The following TANC2 variants were observed in gnomAD, a reference collection of about 807,000 sequenced individuals.
TANC2 encodes the protein tetratricopeptide repeat, ankyrin repeat and coiled-coil containing 2, also known as protein TANC2.
A neutral mutation model predicts 210.5 loss-of-function variants in TANC2; 26 were observed. The ratio of observed to expected loss-of-function variants is 0.12; its 90% CI spans 0.09 to 0.17. The LOEUF (loss-of-function observed/expected upper bound fraction) is 0.17, where lower values mean the gene tolerates loss of function less well. Among genes scored for constraint, TANC2 ranks in the 10% least tolerant of loss-of-function variants. The probability of loss-of-function intolerance (pLI) is 1.00; values close to 1 mark genes in which losing one functional copy is unlikely to be tolerated. For synonymous variants in TANC2, 931 were observed against 967.1 expected (o/e 0.96, Z 0.69); for missense variants, 2,129 against 2,608.9 (o/e 0.82, Z 4.01).
intron 1 of TANC2, among the ~76,000 whole-genome samples, chr17:63,007,053 C>T (rs1322758562): frequency 7.1e-6 from 1 of 140,648 alleles, no homozygotes; most frequent in Non-Finnish European, 1.5e-5. Flanking sequence ...TAGTAAGACC[C>T]CATCTTTAAA....
At chr17:63,126,921 T>C (rs1267849855) in intron 4 of TANC2, among the ~76,000 whole-genome samples, 4 of 152,288 alleles carry the variant, frequency 2.6e-5, no homozygotes, top group African/African-American at 9.6e-5. Context: ...CTCTTCATGC[T>C]GATTTTGACC....
At chr17:63,410,778 C>T (rs2048670872) in intron 21 of TANC2, among the ~76,000 whole-genome samples, 2 of 136,054 alleles carry the variant, frequency 1.5e-5, no homozygotes, top group Middle Eastern at 8.3e-3. Flanking sequence ...GGAGAATTGT[C>T]TGAACCCGGG....
intron 12 of TANC2, among the ~76,000 whole-genome samples, chr17:63,345,255 G>A (rs974591554): frequency 2.0e-5 from 3 of 152,216 alleles, no homozygotes; most frequent in Admixed American, 6.5e-5. Flanking sequence ...AAAGAACTTA[G>A]TAAGTGGAAG....
chr17:62,971,072 A>G (rs1191472614), intron 1 of TANC2, among the ~76,000 whole-genome samples: 2 of 152,128 alleles, frequency 1.3e-5, no homozygotes, highest in African/African-American at 4.8e-5. Context: ...ATACAAATAA[A>G]TAGTTTAGAC....
At chr17:63,340,965 C>T (rs1253553580) in intron 12 of TANC2, among the ~76,000 whole-genome samples, 4 of 152,206 alleles carry the variant, frequency 2.6e-5, no homozygotes, top group Non-Finnish European at 5.9e-5. Context: ...CTAGTGTTAG[C>T]AGTGGCCTAA....
In TANC2 at chr17:63,004,528, A is replaced by G. The variant is rs537971063; in HGVS notation, c.-23-5009A>G. 173 of 159,390 alleles carry G rather than the reference A, an allele frequency of 1.1e-3. 1 individual carries two copies. Among genetic ancestry groups the G allele is most frequent in the Non-Finnish European group, 2.0e-3 (147 of 73,444 alleles). 9.9% of individuals were successfully genotyped at this position (159,390 alleles called of 1,614,324 possible). A position where few individuals can be genotyped will look rare whatever the true frequency, so the allele number is the denominator to read the frequency against. On this transcript the variant is annotated intron_variant, in intron 1 of 27. Transcript: ENST00000689528. ...AATCCAGCTTTGGATACATTCTAGT[A>G]GTGATATATGCCTCTTCCCCAAAAA... is the stretch of plus-strand genomic sequence containing the variant.
intron 2 of TANC2, among the ~76,000 whole-genome samples, chr17:63,020,020 G>A (rs188785561): frequency 2.0e-5 from 3 of 152,302 alleles, no homozygotes; most frequent in Admixed American, 6.5e-5. Context: ...TCCCCGTCCC[G>A]GGTTCAAGCG....
intron 21 of TANC2, among the ~76,000 whole-genome samples, chr17:63,407,184 C>T (rs1366201962): frequency 1.3e-5 from 2 of 152,170 alleles, no homozygotes; most frequent in East Asian, 1.9e-4. Flanking sequence ...TTAGCTGTAT[C>T]CCTTAAGTAA....
intron 5 of TANC2, among the ~76,000 whole-genome samples, chr17:63,183,170 A>G (rs1598551143): frequency 6.6e-6 from 1 of 152,252 alleles, no homozygotes; most frequent in South Asian, 2.1e-4. Flanking sequence ...TAGTGGTAGG[A>G]CAAGATTGTA....
At chr17:63,232,701 A>C (rs1175165148) in intron 7 of TANC2, among the ~76,000 whole-genome samples, 28 of 152,066 alleles carry the variant, frequency 1.8e-4, no homozygotes, top group Non-Finnish European at 2.2e-4. Flanking sequence ...GTGTCTGGCG[A>C]CCCCTGTTGG....
At chr17:62,995,464 G>A (rs2033063034) in intron 1 of TANC2, among the ~76,000 whole-genome samples, 1 of 152,210 alleles carries the variant, frequency 6.6e-6, no homozygotes, top group Non-Finnish European at 1.5e-5. Flanking sequence ...GGTTGGTGGA[G>A]GGTGTTGAGG....
At chr17:63,304,208 C>T (rs540088145) in intron 9 of TANC2, among the ~76,000 whole-genome samples, 2 of 152,220 alleles carry the variant, frequency 1.3e-5, no homozygotes, top group African/African-American at 4.8e-5. Context: ...GATTCTTTCT[C>T]CTCTTCATGA....
At chr17:63,329,255 T>C (rs2045757553) in intron 11 of TANC2, among the ~76,000 whole-genome samples, 1 of 151,860 alleles carries the variant, frequency 6.6e-6, no homozygotes, top group South Asian at 2.1e-4. Context: ...AGAGTTAATA[T>C]CTCTTATATT....
chr17:63,415,350 A>G lies in TANC2; in HGVS notation c.4021-178A>G, dbSNP rs569159629. On this transcript the variant is annotated intron_variant, in intron 25 of 27. Transcript: ENST00000689528. ...GCCTTTCCTGCCAGGTGAGTTTCCT[A>G]TAGAAAAGACTAGACCCTTCTGCCC... Among the ~76,000 whole-genome samples the G allele has an allele frequency of 2.6e-5, 4 of 152,222 alleles. No individual in the cohort carries two copies. The South Asian group carries it at 8.3e-4, about 32-fold the overall frequency.
chr17:62,993,673 TC>T (rs35148901), intron 1 of TANC2, among the ~76,000 whole-genome samples: 1 of 152,164 alleles, frequency 6.6e-6, no homozygotes, highest in Non-Finnish European at 1.5e-5. Context: ...ATGCCTGTAA[TC>T]CCAGGAATTT....
chr17:63,177,661 T>G (rs539452044), intron 5 of TANC2, among the ~76,000 whole-genome samples: 1 of 152,328 alleles, frequency 6.6e-6, no homozygotes, highest in Non-Finnish European at 1.5e-5. Flanking sequence ...TGGCTCTGAT[T>G]CGTGCTGTAG....
At chr17:63,307,974 C>G (rs1220790236) in intron 9 of TANC2, among the ~76,000 whole-genome samples, 1 of 152,128 alleles carries the variant, frequency 6.6e-6, no homozygotes, top group Non-Finnish European at 1.5e-5. Context: ...ACCATGTTAG[C>G]CAGATTGGTC....
intron 3 of TANC2, among the ~76,000 whole-genome samples, chr17:63,074,973 A>G (rs1398471132): frequency 6.6e-6 from 1 of 152,118 alleles, no homozygotes; most frequent in East Asian, 1.9e-4. Flanking sequence ...TTTTTCTCCA[A>G]GTTTGCTCTT....
chr17:63,396,446 A>G (rs928584003), intron 18 of TANC2: 1 of 158,860 alleles, frequency 6.3e-6, no homozygotes, highest in African/African-American at 2.4e-5. Flanking sequence ...ACTGTTAAAC[A>G]TTATACAGTT....
Sources: gnomAD v4.1 joint callset for allele counts (sites outside exome capture counted in the v4.1 genomes callset) on GRCh38, gnomAD v4.1.1 for gene constraint, MANE v1.5 for transcripts, NCBI Gene and HGNC (gene_info 2026-07-23, HGNC 2026-07-21) for gene names.